The following IL1RAPL2 variants were observed in gnomAD, a reference collection of about 807,000 sequenced individuals.
IL1RAPL2 encodes the protein X-linked interleukin-1 receptor accessory protein-like 2.
IL1RAPL2 carries 3 observed loss-of-function variants against 44.1 expected under a neutral mutation model. The observed-to-expected ratio is 0.07, with a 90% confidence interval of 0.03 to 0.18. The LOEUF is 0.18. Ranked by LOEUF, IL1RAPL2 falls within the 10% of genes least tolerant of loss-of-function variation. The pLI, the probability that IL1RAPL2 is intolerant of heterozygous loss-of-function variation, is 1.00. For missense variants in IL1RAPL2, 391 were observed against 496.4 expected (o/e 0.79, Z 2.02); for synonymous variants, 181 against 178.8 (o/e 1.01, Z -0.10).
At chrX:105,380,818 A>T (rs1184902867) in intron 5 of IL1RAPL2, among the ~76,000 whole-genome samples, 1 of 111,584 alleles carries the variant, frequency 9.0e-6, no homozygotes, top group Non-Finnish European at 1.9e-5. Context: ...GACAATATAG[A>T]TCAATATCTC....
intron 6 of IL1RAPL2, among the ~76,000 whole-genome samples, chrX:105,530,911 G>A (rs1189294349): frequency 1.8e-5 from 2 of 111,274 alleles, no homozygotes; most frequent in Non-Finnish European, 3.8e-5. Flanking sequence ...ACAAATGACA[G>A]GATCTCATTC....
At position 105,079,282 on chromosome X, in the gene IL1RAPL2, C is replaced by G. The variant is rs764565266; in HGVS notation, c.83-116193C>G. Among the ~76,000 whole-genome samples the G allele has an allele frequency of 7.4e-4, 82 of 110,707 alleles. 1 individual carries two copies. The highest frequency in any genetic ancestry group is 1.5e-4 in the Non-Finnish European group (8 of 52,903). On this transcript the variant is annotated intron_variant, in intron 2 of 10. Transcript: ENST00000372582. ...GTGGAGATTCCTCAAGGATCTAGAACTAGAAATACCATTTGACCTAGCAAT... is the reference window on the plus strand; with the variant it reads ...GTGGAGATTCCTCAAGGATCTAGAAGTAGAAATACCATTTGACCTAGCAAT...
At chrX:105,446,351 C>G (rs2035954253) in intron 5 of IL1RAPL2, among the ~76,000 whole-genome samples, 1 of 110,750 alleles carries the variant, frequency 9.0e-6, no homozygotes, top group South Asian at 3.8e-4. Context: ...TTCAGCTACT[C>G]TACATCTTTT....
At chrX:104,961,182 C>T (rs1602855156) in intron 2 of IL1RAPL2, among the ~76,000 whole-genome samples, 1 of 111,376 alleles carries the variant, frequency 9.0e-6, no homozygotes, top group Middle Eastern at 4.6e-3. Context: ...CAAAGCAATC[C>T]CGGGGCCTCT....
chrX:104,685,345 C>T (rs1930967062), intron 2 of IL1RAPL2, among the ~76,000 whole-genome samples: 1 of 111,820 alleles, frequency 8.9e-6, no homozygotes, highest in Non-Finnish European at 1.9e-5. Flanking sequence ...GTAAGATATG[C>T]TTTTATCTAT....
chrX:104,713,941 G>C (rs1569301585), intron 2 of IL1RAPL2, among the ~76,000 whole-genome samples: 1 of 111,243 alleles, frequency 9.0e-6, no homozygotes, highest in Non-Finnish European at 1.9e-5. Context: ...TTTCCAGAAG[G>C]AGAGGAGAAT....
At chrX:104,950,381 A>G (rs1191044498) in intron 2 of IL1RAPL2, among the ~76,000 whole-genome samples, 1 of 112,589 alleles carries the variant, frequency 8.9e-6, no homozygotes, top group Non-Finnish European at 1.9e-5. Flanking sequence ...GCTGTCAGAC[A>G]GGGACGTTTA....
At chrX:104,763,488 C>T (rs2147592563) in intron 2 of IL1RAPL2, among the ~76,000 whole-genome samples, 1 of 111,901 alleles carries the variant, frequency 8.9e-6, no homozygotes. Flanking sequence ...AAAGTCGCTT[C>T]CACATTTGAG....
intron 5 of IL1RAPL2, among the ~76,000 whole-genome samples, chrX:105,313,379 G>A (rs1472208313): frequency 1.8e-5 from 2 of 111,913 alleles, no homozygotes; most frequent in Non-Finnish European, 3.8e-5. Flanking sequence ...AATGATTTTA[G>A]GTCACAGAAT....
At chrX:105,761,268 A>C (rs2038686328) in intron 10 of IL1RAPL2, among the ~76,000 whole-genome samples, 1 of 105,886 alleles carries the variant, frequency 9.4e-6, no homozygotes, top group South Asian at 4.4e-4. Flanking sequence ...CACACGGCTA[A>C]CTTAACATTA....
chrX:105,332,126 C>T (rs185032204), intron 5 of IL1RAPL2, among the ~76,000 whole-genome samples: 11 of 110,032 alleles, frequency 1.0e-4, no homozygotes, highest in East Asian at 2.9e-4. Context: ...ATGCAGGTAT[C>T]GCAGACATAT....
intron 2 of IL1RAPL2, among the ~76,000 whole-genome samples, chrX:104,894,579 G>T (rs150416890): frequency 9.0e-6 from 1 of 111,267 alleles, no homozygotes; most frequent in Non-Finnish European, 1.9e-5. Flanking sequence ...TGATCGAATC[G>T]GCTACTGAAT....
chrX:105,687,873 C>G (rs774571774), intron 6 of IL1RAPL2, among the ~76,000 whole-genome samples: 1 of 111,587 alleles, frequency 9.0e-6, no homozygotes, highest in Admixed American at 9.5e-5. Flanking sequence ...GCATATCCAC[C>G]ACAATGAAAT....
chrX:105,100,013 T>C (rs1254338599), intron 2 of IL1RAPL2, among the ~76,000 whole-genome samples: 1 of 111,461 alleles, frequency 9.0e-6, no homozygotes, highest in Non-Finnish European at 1.9e-5. Flanking sequence ...CAGTTATTCA[T>C]GGTACAGTAC....
At chrX:105,639,625 G>T (rs1039410657) in intron 6 of IL1RAPL2, among the ~76,000 whole-genome samples, 8 of 111,168 alleles carry the variant, frequency 7.2e-5, no homozygotes, top group African/African-American at 2.6e-4. Flanking sequence ...TCCATAAAAG[G>T]TTTTAATTTT....
intron 2 of IL1RAPL2, among the ~76,000 whole-genome samples, chrX:104,811,458 G>GA (rs1349933185): frequency 9.0e-6 from 1 of 111,190 alleles, no homozygotes; most frequent in Non-Finnish European, 1.9e-5. Context: ...AATGGAAGGA[G>GA]AAAAGTAATT....
intron 2 of IL1RAPL2, among the ~76,000 whole-genome samples, chrX:104,664,704 G>T (rs1930460124): frequency 9.0e-6 from 1 of 111,444 alleles, no homozygotes; most frequent in Non-Finnish European, 1.9e-5. Flanking sequence ...CTTTTTAGTG[G>T]AAAATGAATT....
At chrX:105,299,554 G>C (rs1036876647) in intron 5 of IL1RAPL2, among the ~76,000 whole-genome samples, 4 of 111,385 alleles carry the variant, frequency 3.6e-5, no homozygotes, top group Non-Finnish European at 5.6e-5. Flanking sequence ...CTTCAAACTG[G>C]TTGCTGGAAT....
chrX:105,333,058 AGCTATCT>A (rs2034999486), intron 5 of IL1RAPL2, among the ~76,000 whole-genome samples: 1 of 111,744 alleles, frequency 8.9e-6, no homozygotes, highest in Non-Finnish European at 1.9e-5. Context: ...GAATATCCAA[AGCTATCT>A]TAAGCAAAAA....
Sources: gnomAD v4.1 joint callset for allele counts (sites outside exome capture counted in the v4.1 genomes callset) on GRCh38, gnomAD v4.1.1 for gene constraint, MANE v1.5 for transcripts, NCBI Gene and HGNC (gene_info 2026-07-23, HGNC 2026-07-21) for gene names.